The following TBC1D22A variants were observed in gnomAD, a reference collection of about 807,000 sequenced individuals.
TBC1D22A encodes the protein TBC1 domain family member 22A.
TBC1D22A carries 38 observed loss-of-function variants against 60.2 expected under a neutral mutation model. That is an observed-to-expected ratio of 0.63 (90% CI 0.49 to 0.83). The LOEUF (loss-of-function observed/expected upper bound fraction) is 0.83. Ranked by LOEUF, TBC1D22A falls within the 40% of genes least tolerant of loss-of-function variation. The pLI, the probability that TBC1D22A is intolerant of heterozygous loss-of-function variation, is 0.00. For synonymous variants in TBC1D22A, 302 were observed against 281.7 expected, an observed-to-expected ratio of 1.07 and a Z score of -0.72; for missense variants, 628 against 701.0, an observed-to-expected ratio of 0.90 and a Z score of 1.18.
At chr22:46,768,858 C>T (rs1378644114) in intron 1 of TBC1D22A, among the ~76,000 whole-genome samples, 2 of 151,914 alleles carry the variant, frequency 1.3e-5, no homozygotes, top group African/African-American at 2.4e-5. Context: ...CTTTGGGGGG[C>T]CCAGGCGGGT....
At chr22:46,884,551 T>C (rs911331658) in intron 5 of TBC1D22A, among the ~76,000 whole-genome samples, 1 of 152,140 alleles carries the variant, frequency 6.6e-6, no homozygotes, top group Non-Finnish European at 1.5e-5. Context: ...CTGCACAGAC[T>C]GAGAGCAGCG....
Position 47,173,560 on chromosome 22 carries a change from G to C in TBC1D22A, c.1488G>C (p.Leu496=). 6.2e-7 allele frequency: 1 copy of C among 1,614,158 alleles called. No individual in the cohort carries two copies. ...TAHWDDEDIS[L]LLAEAYRLKF... The stretch of plus-strand genomic sequence containing the variant: ...ACTGGGATGATGAGGACATCAGCCT[G>C]TTGCTGGCCGAGGCCTACCGCCTCA... Residue 496 remains leucine, a synonymous_variant, in exon 13 of 13, where the codon CTG becomes CTC. Transcript: ENST00000337137.
chr22:47,141,173 C>G (rs1202122682), intron 12 of TBC1D22A, among the ~76,000 whole-genome samples: 1 of 152,092 alleles, frequency 6.6e-6, no homozygotes. Flanking sequence ...CATCAGATCT[C>G]GTGAGACTTA....
chr22:46,989,582 C>CG (rs1327208372), intron 9 of TBC1D22A, among the ~76,000 whole-genome samples: 4 of 151,970 alleles, frequency 2.6e-5, no homozygotes, highest in African/African-American at 9.7e-5. Flanking sequence ...TGCCGGTCAG[C>CG]GGGGCAGTTG....
chr22:46,854,560 C>G (rs762594397), intron 4 of TBC1D22A, among the ~76,000 whole-genome samples: 1 of 151,956 alleles, frequency 6.6e-6, no homozygotes, highest in African/African-American at 2.4e-5. Context: ...TTGTTGTTTC[C>G]GGATGTTCTC....
At chr22:46,881,792 A>G (rs1017500655) in intron 5 of TBC1D22A, among the ~76,000 whole-genome samples, 2 of 152,190 alleles carry the variant, frequency 1.3e-5, no homozygotes, top group Non-Finnish European at 2.9e-5. Flanking sequence ...TCCGGGAACA[A>G]GTGCTCACTG....
At chr22:46,878,048 C>T (rs1188134934) in intron 4 of TBC1D22A, among the ~76,000 whole-genome samples, 1 of 151,954 alleles carries the variant, frequency 6.6e-6, no homozygotes, top group Admixed American at 6.6e-5. Context: ...TTTATAAAGC[C>T]TCATTGACTT....
rs142232123 is a variant in TBC1D22A at position 46,829,664 on chromosome 22, G to A, written c.637+32044G>A. 2.6e-4 allele frequency among the ~76,000 whole-genome samples: 40 copies of A among 152,354 alleles called. 1 individual carries two copies. The Middle Eastern group carries it at 0.014, about 52-fold the overall frequency. On this transcript the variant is annotated intron_variant, in intron 4 of 12. Transcript: ENST00000337137. The stretch of plus-strand genomic sequence containing the variant: ...ATTTACAGTGGCCTGTTTGCCCAAG[G>A]TAGGGAATGCTAATGCAGCTATTAT...
intron 4 of TBC1D22A, among the ~76,000 whole-genome samples, chr22:46,805,753 A>G (rs939003552): frequency 6.6e-6 from 1 of 152,170 alleles, no homozygotes; most frequent in African/African-American, 2.4e-5. Flanking sequence ...TGTGTTTGCC[A>G]TTCACAGAGA....
intron 8 of TBC1D22A, among the ~76,000 whole-genome samples, chr22:46,946,525 A>G (rs921507804): frequency 2.3e-4 from 35 of 152,164 alleles, no homozygotes; most frequent in African/African-American, 8.4e-4. Context: ...TAGAGCTGTA[A>G]GATCCAAGGG....
chr22:47,136,584 C>A (rs2066880278), intron 12 of TBC1D22A, among the ~76,000 whole-genome samples: 1 of 73,154 alleles, frequency 1.4e-5, no homozygotes, highest in Non-Finnish European at 3.2e-5. Flanking sequence ...AGGCTGTGGA[C>A]CCAGTTCCTT....
intron 11 of TBC1D22A, among the ~76,000 whole-genome samples, chr22:47,069,484 C>G (rs554073637): frequency 6.6e-6 from 1 of 152,308 alleles, no homozygotes; most frequent in Admixed American, 6.5e-5. Context: ...TTGCATATGT[C>G]AGGATGGACG....
At chr22:46,889,922 T>A (rs1040166622) in intron 5 of TBC1D22A, among the ~76,000 whole-genome samples, 8 of 152,206 alleles carry the variant, frequency 5.3e-5, no homozygotes, top group African/African-American at 1.9e-4. Flanking sequence ...GTTACATAGC[T>A]GGATGCCCTT....
chr22:47,135,511 G>A (rs982439157), intron 12 of TBC1D22A, among the ~76,000 whole-genome samples: 1 of 152,180 alleles, frequency 6.6e-6, no homozygotes, highest in Admixed American at 6.5e-5. Context: ...TGGTGCCTTG[G>A]GCACTGCAGA....
rs1159327936 is a variant in TBC1D22A at position 47,028,043 on chromosome 22, T to G, written c.1202-9028T>G. ...TCAGATTTGTTGTTGCCTTCTCATATGGAAATGACCCTGTTTTGGAGGGGT... is the reference window on the plus strand; with the variant it reads ...TCAGATTTGTTGTTGCCTTCTCATAGGGAAATGACCCTGTTTTGGAGGGGT... On this transcript the variant is annotated intron_variant, in intron 10 of 12. Transcript: ENST00000337137. The surrounding 1 kb of genome is among the most constrained non-coding windows in gnomAD (Gnocchi z 4.4). 1.3e-5 allele frequency among the ~76,000 whole-genome samples: 2 copies of G among 152,202 alleles called. No individual in the cohort carries two copies. The highest frequency in any genetic ancestry group is 4.8e-5 in the African/African-American group (2 of 41,462).
intron 8 of TBC1D22A, among the ~76,000 whole-genome samples, chr22:46,961,460 A>T (rs1488973127): frequency 6.6e-6 from 1 of 152,190 alleles, no homozygotes; most frequent in Non-Finnish European, 1.5e-5. Flanking sequence ...AAGCGACTCC[A>T]GACATTTCTG....
At chr22:47,143,566 C>A (rs1331158867) in intron 12 of TBC1D22A, among the ~76,000 whole-genome samples, 1 of 152,112 alleles carries the variant, frequency 6.6e-6, no homozygotes, top group African/African-American at 2.4e-5. Flanking sequence ...GGCACTGCCT[C>A]ACGTGCAGAA....
At chr22:46,981,557 T>G (rs2074512802) in intron 9 of TBC1D22A, among the ~76,000 whole-genome samples, 1 of 152,226 alleles carries the variant, frequency 6.6e-6, no homozygotes, top group Non-Finnish European at 1.5e-5. Flanking sequence ...TTCTGTTCTC[T>G]TGATAGTGAG....
chr22:46,822,593 A>G (rs572537599), intron 4 of TBC1D22A, among the ~76,000 whole-genome samples: 2 of 152,274 alleles, frequency 1.3e-5, no homozygotes, highest in African/African-American at 4.8e-5. Context: ...TGGAGGCTGG[A>G]GAGCAGCAAA....
Sources: allele counts gnomAD v4.1 joint callset (sites outside exome capture counted in the v4.1 genomes callset), GRCh38; gene constraint gnomAD v4.1.1; non-coding constraint Gnocchi (gnomAD v3.1); transcripts MANE v1.5; gene names NCBI Gene and HGNC (gene_info 2026-07-23, HGNC 2026-07-21).